RBFOX1: variants seen among roughly 807,000 people sequenced by gnomAD.
The protein encoded by RBFOX1 is RNA binding fox-1 homolog 1.
A neutral mutation model predicts 57.7 loss-of-function variants in RBFOX1; 8 were observed. The ratio of observed to expected loss-of-function variants is 0.14; its 90% CI spans 0.08 to 0.25. The LOEUF (loss-of-function observed/expected upper bound fraction) is 0.25, where lower values mean the gene tolerates loss of function less well. Among genes scored for constraint, RBFOX1 ranks in the 10% least tolerant of loss-of-function variants. The probability of loss-of-function intolerance (pLI) is 1.00; values close to 1 mark genes in which losing one functional copy is unlikely to be tolerated. For missense variants in RBFOX1, 611 were observed against 548.5 expected, an observed-to-expected ratio of 1.11 and a Z score of -1.14; for synonymous variants, 326 against 222.4, an observed-to-expected ratio of 1.47 and a Z score of -4.15.
Position 7,065,807 on chromosome 16 carries a change from C to T in RBFOX1, c.27+13709C>T, listed in dbSNP as rs111872602. Among the ~76,000 whole-genome samples, 64 of 152,242 alleles carry T rather than the reference C, an allele frequency of 4.2e-4. 1 individual carries two copies. Among genetic ancestry groups the T allele is most frequent in the African/African-American group, 1.5e-3 (63 of 41,532 alleles). ...TTATTTGACCAATATCTCCTAAATC[C>T]TCCAGCCTCCAAGCCTCTGGTAATC... is the stretch of plus-strand genomic sequence containing the variant. On this transcript the variant is annotated intron_variant, in intron 4 of 15. Coordinates refer to ENST00000550418, the MANE Select transcript of RBFOX1 (RefSeq NM_018723.4).
chr16:6,215,469 G>A (rs527638061), intron 1 of RBFOX1, among the ~76,000 whole-genome samples: 12 of 151,372 alleles, frequency 7.9e-5, no homozygotes, highest in Middle Eastern at 6.9e-3. Flanking sequence ...AGGGAGAGGG[G>A]GAGAGGGAGA....
intron 4 of RBFOX1, among the ~76,000 whole-genome samples, chr16:5,974,220 G>C (rs1341773817): frequency 1.3e-5 from 2 of 152,170 alleles, no homozygotes; most frequent in Admixed American, 6.5e-5. Flanking sequence ...TGCTTCAGCT[G>C]TTCCTGTTGC....
chr16:7,007,209 C>G (rs1225727307), intron 3 of RBFOX1, among the ~76,000 whole-genome samples: 1 of 152,198 alleles, frequency 6.6e-6, no homozygotes, highest in Admixed American at 6.5e-5. Flanking sequence ...CATTTCTTTA[C>G]TGGCTGGTAG....
At chr16:6,680,367 A>G (rs1185073796) in intron 3 of RBFOX1, among the ~76,000 whole-genome samples, 1 of 138,806 alleles carries the variant, frequency 7.2e-6, no homozygotes, top group Non-Finnish European at 1.5e-5. Flanking sequence ...GGTTCACGCC[A>G]TTCTCCTGCC....
chr16:6,581,148 A>T (rs896808523), intron 2 of RBFOX1, among the ~76,000 whole-genome samples: 4 of 152,138 alleles, frequency 2.6e-5, no homozygotes, highest in Non-Finnish European at 5.9e-5. Context: ...TGGGACAACC[A>T]GAGTCTAATG....
intron 4 of RBFOX1, among the ~76,000 whole-genome samples, chr16:7,498,346 G>C (rs2151753338): frequency 6.6e-6 from 1 of 152,202 alleles, no homozygotes; most frequent in South Asian, 2.1e-4. Context: ...TGGTGTACAT[G>C]GGTCTCACTC....
intron 3 of RBFOX1, among the ~76,000 whole-genome samples, chr16:6,739,887 C>T (rs549533037): frequency 8.5e-5 from 13 of 152,116 alleles, no homozygotes; most frequent in Admixed American, 3.9e-4. Flanking sequence ...AAGAATAAAA[C>T]GTGGTGGTCC....
chr16:6,255,080 C>T (rs8061586), intron 1 of RBFOX1, among the ~76,000 whole-genome samples: 1 of 151,968 alleles, frequency 6.6e-6, no homozygotes, highest in African/African-American at 2.4e-5. Context: ...CATATGTCCG[C>T]GGACCTGTTT....
At chr16:6,517,581 G>A (rs770202804) in intron 2 of RBFOX1, among the ~76,000 whole-genome samples, 4 of 152,126 alleles carry the variant, frequency 2.6e-5, no homozygotes, top group Non-Finnish European at 5.9e-5. Context: ...ATTTAGAAAT[G>A]CTTTGTGTTT....
At chr16:6,110,739 G>GC (rs577026511) in intron 1 of RBFOX1, among the ~76,000 whole-genome samples, 1 of 152,060 alleles carries the variant, frequency 6.6e-6, no homozygotes, top group Non-Finnish European at 1.5e-5. Context: ...GGACAGTTTT[G>GC]CCCCCCGCCA....
At chr16:7,486,487 G>C (rs1386250202) in intron 4 of RBFOX1, among the ~76,000 whole-genome samples, 1 of 151,822 alleles carries the variant, frequency 6.6e-6, no homozygotes, top group Non-Finnish European at 1.5e-5. Context: ...ATCTTACCTT[G>C]GGCCAGTCAC....
At chr16:7,348,005 G>A (rs955792136) in intron 4 of RBFOX1, among the ~76,000 whole-genome samples, 4 of 152,168 alleles carry the variant, frequency 2.6e-5, no homozygotes, top group East Asian at 1.9e-4. Flanking sequence ...CAGTCTTAAC[G>A]AGCAGTCAAT....
intron 4 of RBFOX1, among the ~76,000 whole-genome samples, chr16:7,199,490 T>G (rs1312655704): frequency 1.3e-5 from 2 of 152,310 alleles, no homozygotes; most frequent in Middle Eastern, 3.4e-3. Flanking sequence ...TTTGGAAGTT[T>G]TAACACAGCC....
At chr16:7,664,567 T>TTTGA (rs1241300353) in intron 12 of RBFOX1, among the ~76,000 whole-genome samples, 1 of 152,116 alleles carries the variant, frequency 6.6e-6, no homozygotes, top group African/African-American at 2.4e-5. Flanking sequence ...GGCTATGTGG[T>TTTGA]TTGATTGCCA....
intron 2 of RBFOX1, among the ~76,000 whole-genome samples, chr16:6,632,182 C>G (rs929248789): frequency 3.9e-5 from 6 of 152,104 alleles, no homozygotes; most frequent in African/African-American, 1.4e-4. Context: ...CTTGAAGACA[C>G]TTAACTGCAT....
At chr16:7,076,423 A>C (rs2058311552) in intron 4 of RBFOX1, among the ~76,000 whole-genome samples, 1 of 152,118 alleles carries the variant, frequency 6.6e-6, no homozygotes, top group South Asian at 2.1e-4. Context: ...GACCAAGAAG[A>C]GTCCCATGCT....
At chr16:7,399,674 G>GTC (rs2098206178) in intron 4 of RBFOX1, among the ~76,000 whole-genome samples, 1 of 151,950 alleles carries the variant, frequency 6.6e-6, no homozygotes, top group African/African-American at 2.4e-5. Flanking sequence ...TGTTCTGTGT[G>GTC]TCTTCTAAGA....
intron 3 of RBFOX1, among the ~76,000 whole-genome samples, chr16:5,861,297 G>T (rs965471214): frequency 6.6e-6 from 1 of 152,194 alleles, no homozygotes; most frequent in Non-Finnish European, 1.5e-5. Context: ...TGCCACACAG[G>T]TGACTATGTG....
chr16:6,103,367 G>T (rs528659765), intron 1 of RBFOX1, among the ~76,000 whole-genome samples: 29 of 152,130 alleles, frequency 1.9e-4, no homozygotes, highest in African/African-American at 6.0e-4. Flanking sequence ...TAAATTAGAT[G>T]ACATATGTAA....
Sources: gnomAD v4.1 joint callset for allele counts (sites outside exome capture counted in the v4.1 genomes callset) on GRCh38, gnomAD v4.1.1 for gene constraint, MANE v1.5 for transcripts, NCBI Gene and HGNC (gene_info 2026-07-23, HGNC 2026-07-21) for gene names.